Variants in MEGF11 observed in about 807,000 individuals in gnomAD.
MEGF11 encodes the protein multiple EGF like domains 11, also known as multiple epidermal growth factor-like domains protein 11.
MEGF11 carries 126 observed loss-of-function variants against 146.6 expected under a neutral mutation model. The observed-to-expected ratio is 0.86, with a 90% confidence interval of 0.74 to 1.00. The LOEUF (loss-of-function observed/expected upper bound fraction) is 1.00, where lower values mean the gene tolerates loss of function less well. Ranked by LOEUF, MEGF11 falls within the 50% of genes least tolerant of loss-of-function variation. The pLI, the probability that MEGF11 is intolerant of heterozygous loss-of-function variation, is 0.00. For synonymous variants in MEGF11, 532 were observed against 583.4 expected (o/e 0.91, Z 1.27); for missense variants, 1,509 against 1,521.2 (o/e 0.99, Z 0.13).
chr15:65,971,850 A>T (rs333561), intron 7 of MEGF11, among the ~76,000 whole-genome samples: 94,436 of 151,818 alleles, frequency 0.62, 29,852 homozygotes, highest in Non-Finnish European at 0.68. Context: ...CAACAGGAAC[A>T]CAGAGGAAAT....
At chr15:66,197,317 A>G (rs1055649602) in intron 1 of MEGF11, among the ~76,000 whole-genome samples, 3 of 152,154 alleles carry the variant, frequency 2.0e-5, no homozygotes, top group African/African-American at 7.2e-5. Context: ...AGGCTCTGAG[A>G]TGTCTCGGTA....
chr15:66,033,538 T>C (rs562731806), intron 5 of MEGF11, among the ~76,000 whole-genome samples: 11 of 152,212 alleles, frequency 7.2e-5, no homozygotes, highest in Non-Finnish European at 1.0e-4. Flanking sequence ...ACTCTGCAGG[T>C]ATGCAGAGTG....
intron 21 of MEGF11, 74 bp downstream of exon 21, chr15:65,912,008 G>C: frequency 1.1e-6 from 1 of 877,906 alleles, no homozygotes; most frequent in Non-Finnish European, 1.5e-6. Context: ...GGGGCGTGCA[G>C]TTCCTTCCTG....
intron 5 of MEGF11, among the ~76,000 whole-genome samples, chr15:66,083,442 A>G (rs2085979006): frequency 6.6e-6 from 1 of 152,142 alleles, no homozygotes; most frequent in African/African-American, 2.4e-5. Flanking sequence ...ATGCACATGC[A>G]AAAAAATGAA....
chr15:66,189,779 G>C (rs1167535924), intron 1 of MEGF11, among the ~76,000 whole-genome samples: 1 of 152,154 alleles, frequency 6.6e-6, no homozygotes, highest in Non-Finnish European at 1.5e-5. Context: ...CTGGCACTTA[G>C]TAGTTGCTCA....
Position 65,909,806 on chromosome 15 carries a change from G to A in MEGF11, c.2830C>T (p.Leu944Phe), listed in dbSNP as rs1469614603. 12 of 1,574,030 alleles carry A rather than the reference G, an allele frequency of 7.6e-6. No homozygotes were observed. Among genetic ancestry groups the A allele is most frequent in the Non-Finnish European group, 9.4e-6 (11 of 1,167,606 alleles). The change falls in exon 22 of 26, where the codon CTC (leucine) becomes TTC (phenylalanine). Residue 944 changes from leucine to phenylalanine, a missense_variant and splice_region_variant. By Grantham distance (22) the Leu-to-Phe change is conservative. Transcript: ENST00000395614. Reference sequence around the variant, plus strand: ...TCTCTGTCAAGGGACTTGTTACTGAGCTGTTTGGAGAGTAGGAGAGCCAGT... The same window carrying A: ...TCTCTGTCAAGGGACTTGTTACTGAACTGTTTGGAGAGTAGGAGAGCCAGT... Reference protein sequence around the residue: ...STLDRNSPTKLSNKSLDRDTA... With the variant: ...STLDRNSPTKFSNKSLDRDTA...
chr15:66,158,027 G>A (rs887652481), intron 1 of MEGF11, among the ~76,000 whole-genome samples: 3 of 152,106 alleles, frequency 2.0e-5, no homozygotes, highest in Non-Finnish European at 2.9e-5. Flanking sequence ...TTTGTTCTCC[G>A]GGTGAGACAT....
chr15:65,919,007 G>A (rs945982215), intron 15 of MEGF11, among the ~76,000 whole-genome samples: 5 of 152,210 alleles, frequency 3.3e-5, no homozygotes, highest in African/African-American at 1.2e-4. Flanking sequence ...GAGCAGCACA[G>A]AGAATGATGG....
intron 1 of MEGF11, among the ~76,000 whole-genome samples, chr15:66,203,134 C>T (rs938303634): frequency 6.6e-6 from 1 of 152,172 alleles, no homozygotes; most frequent in Non-Finnish European, 1.5e-5. Context: ...GCCCCTGTGC[C>T]CACCCCAGCA....
intron 1 of MEGF11, among the ~76,000 whole-genome samples, chr15:66,217,816 T>A (rs1229004862): frequency 6.6e-6 from 1 of 152,174 alleles, no homozygotes; most frequent in African/African-American, 2.4e-5. Flanking sequence ...TGACTCCAAC[T>A]TTCCCAGGAA....
At chr15:66,247,231 T>C (rs2140258845) in intron 1 of MEGF11, among the ~76,000 whole-genome samples, 1 of 152,322 alleles carries the variant, frequency 6.6e-6, no homozygotes, top group East Asian at 1.9e-4. Context: ...TTATTTATTC[T>C]CTAGTTCTGT....
intron 5 of MEGF11, among the ~76,000 whole-genome samples, chr15:66,008,488 T>A (rs976178570): frequency 1.3e-5 from 2 of 151,876 alleles, no homozygotes; most frequent in African/African-American, 4.8e-5. Context: ...CTTTTAAAGA[T>A]GAGGATGCTT....
At chr15:66,100,168 C>T (rs1390205640) in intron 4 of MEGF11, among the ~76,000 whole-genome samples, 1 of 152,218 alleles carries the variant, frequency 6.6e-6, no homozygotes, top group Non-Finnish European at 1.5e-5. Flanking sequence ...TGTGCATTCA[C>T]TCTACCAGTG....
chr15:66,023,727 T>C (rs988080956), intron 5 of MEGF11, among the ~76,000 whole-genome samples: 1 of 152,224 alleles, frequency 6.6e-6, no homozygotes, highest in African/African-American at 2.4e-5. Flanking sequence ...TTACAGACCC[T>C]GCTGCCCTGG....
At chr15:66,245,333 A>C (rs2092279361) in intron 1 of MEGF11, among the ~76,000 whole-genome samples, 1 of 152,066 alleles carries the variant, frequency 6.6e-6, no homozygotes, top group African/African-American at 2.4e-5. Flanking sequence ...GAGTTGGTTA[A>C]AACAATGTTT....
chr15:65,949,262 C>T (rs541589665), intron 10 of MEGF11, among the ~76,000 whole-genome samples: 1 of 152,276 alleles, frequency 6.6e-6, no homozygotes, highest in South Asian at 2.1e-4. Context: ...CATTGGAAAC[C>T]TTGGAGGGAA....
At chr15:65,993,753 G>A (rs751403596) in intron 5 of MEGF11, among the ~76,000 whole-genome samples, 3 of 152,202 alleles carry the variant, frequency 2.0e-5, no homozygotes, top group Non-Finnish European at 4.4e-5. Context: ...GTGGGCAACG[G>A]CACTGGAAGT....
intron 1 of MEGF11, among the ~76,000 whole-genome samples, chr15:66,202,028 G>A (rs1302993429): frequency 6.7e-6 from 1 of 148,646 alleles, no homozygotes; most frequent in East Asian, 2.0e-4. Context: ...GCTTTCTCCA[G>A]TGTCCCAGGA....
chr15:66,094,356 C>A, intron 5 of MEGF11, 46 bp downstream of exon 5: 1 of 1,500,682 alleles, frequency 6.7e-7, no homozygotes, highest in Non-Finnish European at 9.1e-7. Context: ...ACTCCCCTAC[C>A]AAGTCAGAGC....
Sources: allele counts gnomAD v4.1 joint callset (sites outside exome capture counted in the v4.1 genomes callset), GRCh38; gene constraint gnomAD v4.1.1; transcripts MANE v1.5; gene names NCBI Gene and HGNC (gene_info 2026-07-23, HGNC 2026-07-21).